Variants in NFIB observed in about 807,000 individuals in gnomAD.
NFIB encodes nuclear factor 1 B-type.
In NFIB, 11 loss-of-function variants were observed where a neutral mutation model predicts 61.5. The ratio of observed to expected loss-of-function variants is 0.18; its 90% CI spans 0.11 to 0.30. The LOEUF (loss-of-function observed/expected upper bound fraction) is 0.30, where lower values mean the gene tolerates loss of function less well. Among genes scored for constraint, NFIB ranks in the 10% least tolerant of loss-of-function variants. The pLI, the probability that NFIB is intolerant of heterozygous loss-of-function variation, is 1.00. For synonymous variants in NFIB, 260 were observed against 216.5 expected, an observed-to-expected ratio of 1.20 and a Z score of -1.76; for missense variants, 471 against 608.9, an observed-to-expected ratio of 0.77 and a Z score of 2.38.
At chr9:14,189,698 T>C (rs1298163454) in intron 2 of NFIB, among the ~76,000 whole-genome samples, 1 of 150,956 alleles carries the variant, frequency 6.6e-6, no homozygotes, top group Non-Finnish European at 1.5e-5. Context: ...ACTCTTCTGC[T>C]ACATTTTAAA....
chr9:14,349,686 A>G (rs1361865738), intron 1 of NFIB, among the ~76,000 whole-genome samples: 1 of 152,178 alleles, frequency 6.6e-6, no homozygotes. Flanking sequence ...TTAGGTAACT[A>G]CGGAGAAGGA....
intron 2 of NFIB, among the ~76,000 whole-genome samples, chr9:14,201,261 G>C (rs112841883): frequency 2.8e-4 from 43 of 152,182 alleles, no homozygotes; most frequent in African/African-American, 9.9e-4. Context: ...TGCTAGCTAG[G>C]ATAATCTACA....
chr9:14,200,191 T>C (rs1451023817), intron 2 of NFIB, among the ~76,000 whole-genome samples: 1 of 152,150 alleles, frequency 6.6e-6, no homozygotes, highest in African/African-American at 2.4e-5. Context: ...AATTTCAAAT[T>C]AGCTTCTCCT....
chr9:14,250,630 G>C (rs1325523744), intron 2 of NFIB, among the ~76,000 whole-genome samples: 1 of 152,212 alleles, frequency 6.6e-6, no homozygotes, highest in Non-Finnish European at 1.5e-5. Flanking sequence ...AGAGAAAAGA[G>C]AGTATGCCTT....
chr9:14,528,069 A>C, the NFIB span, among the ~76,000 whole-genome samples: 3 of 152,192 alleles, frequency 2.0e-5, no homozygotes, highest in African/African-American at 7.2e-5. Flanking sequence ...CAGAGGATCT[A>C]TTAATTTTAG....
At position 14,120,386 on chromosome 9, in the gene NFIB, T is replaced by C; in HGVS notation, c.1245+54A>G. Reference sequence around the variant, plus strand: ...CTGACTAACCTTTGTGTCTCAGAATTAGATCTGTCCCATCTCCCTTAGGTG... The same window carrying C: ...CTGACTAACCTTTGTGTCTCAGAATCAGATCTGTCCCATCTCCCTTAGGTG... On this transcript the variant is annotated intron_variant, in intron 8 of 10. Coordinates refer to ENST00000380953, the MANE Select transcript of NFIB (RefSeq NM_001190737.2). This position sits in a 1 kb window ranked among gnomAD's most constrained non-coding sequence, Gnocchi z 4.4. 6.4e-7 allele frequency: 1 copy of C among 1,566,504 alleles called. No individual in the cohort carries two copies. Among genetic ancestry groups the C allele is most frequent in the South Asian group, 1.1e-5 (1 of 89,890 alleles).
Position 14,394,406 on chromosome 9 carries a change from C to T in NFIB, c.108+4118G>A, listed in dbSNP as rs554481766. On this transcript the variant is annotated intron_variant, in intron 1 of 8. Transcript: ENST00000380934. ...AAAGGAAAGAGGTTTAATGGACTCACAGTTCCACATGGCTGGGGATGCCTC... is the reference window on the plus strand; with the variant it reads ...AAAGGAAAGAGGTTTAATGGACTCATAGTTCCACATGGCTGGGGATGCCTC... 3.3e-5 allele frequency among the ~76,000 whole-genome samples: 5 copies of T among 152,280 alleles called. No individual in the cohort carries two copies. The South Asian group carries it at 1.0e-3, about 32-fold the overall frequency.
intron 2 of NFIB, among the ~76,000 whole-genome samples, chr9:14,231,133 A>ATATATATATATAT (rs1392498228): frequency 2.7e-4 from 18 of 67,184 alleles, no homozygotes; most frequent in South Asian, 7.7e-4. Flanking sequence ...AAAAAAAAAA[A>ATATATATATATAT]AAATATATAT....
chr9:14,257,362 G>C (rs1263604855), intron 2 of NFIB, among the ~76,000 whole-genome samples: 4 of 152,174 alleles, frequency 2.6e-5, no homozygotes, highest in South Asian at 2.1e-4. Context: ...CTGGATATTA[G>C]ACTGTGAATT....
the NFIB span, among the ~76,000 whole-genome samples, chr9:14,470,229 C>T: frequency 3.7e-4 from 57 of 152,282 alleles, 1 homozygote; most frequent in African/African-American, 1.3e-3. Flanking sequence ...GTCATTGCAG[C>T]AGAGCCATGT....
chr9:14,257,801 G>A (rs982175804), intron 2 of NFIB, among the ~76,000 whole-genome samples: 3 of 152,052 alleles, frequency 2.0e-5, no homozygotes, highest in African/African-American at 7.2e-5. Context: ...CTAAGACTAA[G>A]ACCAATAATG....
At chr9:14,204,135 G>C (rs1255915847) in intron 2 of NFIB, 2 of 447,260 alleles carry the variant, frequency 4.5e-6, no homozygotes, top group Non-Finnish European at 7.9e-6. Flanking sequence ...GGCTATGTTT[G>C]TCTTACAACA....
the NFIB span, among the ~76,000 whole-genome samples, chr9:14,413,111 C>A: frequency 1.3e-5 from 2 of 152,166 alleles, no homozygotes; most frequent in African/African-American, 4.8e-5. Context: ...ATGCTCTGTG[C>A]TCTCTCCATC....
chr9:14,342,238 C>G (rs2060960458), intron 1 of NFIB, among the ~76,000 whole-genome samples: 1 of 152,260 alleles, frequency 6.6e-6, no homozygotes, highest in Admixed American at 6.5e-5. Flanking sequence ...TAATCCCACC[C>G]AAGAACAAAT....
rs112882954 is a variant in NFIB at position 14,249,669 on chromosome 9, G to C, written c.562+57320C>G. Among the ~76,000 whole-genome samples the C allele has an allele frequency of 3.9e-3, 591 of 152,082 alleles. 6 individuals are homozygous for C. The highest frequency in any genetic ancestry group is 0.014 in the African/African-American group (560 of 41,468). ...GTACTGTAAAAAAATAGAAAGGAAG[G>C]AAGAGAGAGAGGGAGGGAGGGGAGA... On this transcript the variant is annotated intron_variant, in intron 2 of 10. Coordinates refer to ENST00000380953, the MANE Select transcript of NFIB (RefSeq NM_001190737.2).
chr9:14,378,987 A>G (rs1486506083), intron 1 of NFIB, among the ~76,000 whole-genome samples: 2 of 152,202 alleles, frequency 1.3e-5, no homozygotes, highest in Non-Finnish European at 2.9e-5. Context: ...GAAGAAAGGC[A>G]TTTGAGATGA....
the NFIB span, among the ~76,000 whole-genome samples, chr9:14,439,066 C>G: frequency 9.9e-5 from 15 of 152,262 alleles, no homozygotes; most frequent in African/African-American, 3.6e-4. Flanking sequence ...CCCTGTGGAG[C>G]TACTTTTTGT....
intron 2 of NFIB, among the ~76,000 whole-genome samples, chr9:14,226,879 C>G (rs1040720957): frequency 1.3e-5 from 2 of 151,976 alleles, no homozygotes; most frequent in African/African-American, 4.8e-5. Flanking sequence ...GTGGTGCACA[C>G]CTGTAATCCC....
At chr9:14,243,396 G>C (rs933919084) in intron 2 of NFIB, among the ~76,000 whole-genome samples, 1 of 152,118 alleles carries the variant, frequency 6.6e-6, no homozygotes, top group Admixed American at 6.6e-5. Context: ...AACAAATCTG[G>C]ATAAGTAAGA....
Sources: gnomAD v4.1 joint callset for allele counts (sites outside exome capture counted in the v4.1 genomes callset) on GRCh38, gnomAD v4.1.1 for gene constraint, Gnocchi (gnomAD v3.1) non-coding constraint, MANE v1.5 for transcripts, NCBI Gene and HGNC (gene_info 2026-07-23, HGNC 2026-07-21) for gene names.